Variants in ROBO2 observed in about 807,000 individuals in gnomAD.
ROBO2 encodes the protein roundabout guidance receptor 2, also known as roundabout homolog 2.
Under a neutral mutation model 160.8 loss-of-function variants are expected in ROBO2, and 53 were observed. That is an observed-to-expected ratio of 0.33 (90% CI 0.26 to 0.41). ROBO2 has a LOEUF of 0.41. Among genes scored for constraint, ROBO2 ranks in the 10% least tolerant of loss-of-function variants. The pLI is 1.00. For synonymous variants in ROBO2, 664 were observed against 611.7 expected (o/e 1.09, Z -1.26); for missense variants, 1,577 against 1,722.4 (o/e 0.92, Z 1.49).
intron 2 of ROBO2, among the ~76,000 whole-genome samples, chr3:76,459,399 C>T (rs1183841515): frequency 6.6e-6 from 1 of 152,202 alleles, no homozygotes; most frequent in East Asian, 1.9e-4. Flanking sequence ...ATACATCTAC[C>T]TGCAAATCTA....
chr3:76,389,568 G>A (rs536437037), intron 2 of ROBO2, among the ~76,000 whole-genome samples: 1 of 152,264 alleles, frequency 6.6e-6, no homozygotes, highest in South Asian at 2.1e-4. Flanking sequence ...TTCAGCCTAT[G>A]TGCTCTGTAC....
At chr3:76,119,868 CCT>C in intron 2 of ROBO2, among the ~76,000 whole-genome samples, 2 of 146,698 alleles carry the variant, frequency 1.4e-5, no homozygotes, top group Admixed American at 1.4e-4. Flanking sequence ...CTCTCCCTCC[CCT>C]TCCTTCCCTT....
intron 2 of ROBO2, among the ~76,000 whole-genome samples, chr3:76,820,181 A>T (rs1430929397): frequency 1.3e-5 from 2 of 152,046 alleles, no homozygotes; most frequent in Admixed American, 6.6e-5. Context: ...TTTCAAGTAC[A>T]ATTATATTCT....
chr3:76,973,814 G>C (rs1402756590), intron 2 of ROBO2, among the ~76,000 whole-genome samples: 1 of 152,090 alleles, frequency 6.6e-6, no homozygotes, highest in Non-Finnish European at 1.5e-5. Context: ...ATCCCAAAGG[G>C]CTCACCGTCT....
chr3:76,430,134 AG>A (rs2076379153), intron 2 of ROBO2, among the ~76,000 whole-genome samples: 1 of 152,172 alleles, frequency 6.6e-6, no homozygotes, highest in Non-Finnish European at 1.5e-5. Flanking sequence ...CAGAGTTGCC[AG>A]GTAGGCTTGG....
At chr3:76,212,454 T>C (rs1394866747) in intron 2 of ROBO2, among the ~76,000 whole-genome samples, 2 of 151,998 alleles carry the variant, frequency 1.3e-5, no homozygotes, top group Non-Finnish European at 2.9e-5. Context: ...TAATTTAAAA[T>C]ATATATTTAA....
intron 2 of ROBO2, among the ~76,000 whole-genome samples, chr3:77,358,352 C>T (rs1377538673): frequency 6.6e-6 from 1 of 152,116 alleles, no homozygotes; most frequent in Non-Finnish European, 1.5e-5. Flanking sequence ...CTTTTTATAA[C>T]AACACTGCTT....
chr3:76,780,052 CA>C (rs2062532118), intron 2 of ROBO2, among the ~76,000 whole-genome samples: 3 of 150,938 alleles, frequency 2.0e-5, no homozygotes, highest in African/African-American at 7.3e-5. Context: ...ATATTCTCAT[CA>C]ACACTAATTA....
chr3:76,057,115 G>T (rs1576664581), intron 2 of ROBO2, among the ~76,000 whole-genome samples: 1 of 152,274 alleles, frequency 6.6e-6, no homozygotes, highest in African/African-American at 2.4e-5. Context: ...CTTCCTGTGT[G>T]TGTAATATTT....
intron 2 of ROBO2, among the ~76,000 whole-genome samples, chr3:76,760,930 T>TA (rs1037756162): frequency 8.0e-5 from 12 of 150,400 alleles, no homozygotes; most frequent in Admixed American, 2.0e-4. Context: ...CTTTTTTTTA[T>TA]ACTTTGTGGA....
At chr3:76,705,105 G>C (rs1053831325) in intron 2 of ROBO2, among the ~76,000 whole-genome samples, 8 of 152,026 alleles carry the variant, frequency 5.3e-5, no homozygotes, top group African/African-American at 1.9e-4. Context: ...TGAGATTTTA[G>C]TTACACAAAT....
chr3:77,152,535 T>C (rs1483288034), intron 2 of ROBO2, among the ~76,000 whole-genome samples: 1 of 152,208 alleles, frequency 6.6e-6, no homozygotes, highest in Non-Finnish European at 1.5e-5. Flanking sequence ...ACCTTGATAC[T>C]CAAAGTGCCC....
At chr3:76,934,762 G>A (rs1378942051) in intron 2 of ROBO2, among the ~76,000 whole-genome samples, 2 of 125,874 alleles carry the variant, frequency 1.6e-5, no homozygotes, top group African/African-American at 6.4e-5. Context: ...ACAAAAGCAA[G>A]AAAATCCTTA....
intron 2 of ROBO2, among the ~76,000 whole-genome samples, chr3:76,445,267 C>A (rs970634459): frequency 2.2e-4 from 33 of 152,154 alleles, no homozygotes; most frequent in African/African-American, 7.7e-4. Context: ...TAGAAAAAAA[C>A]TCCAAATTGT....
chr3:76,434,461 A>C, intron 2 of ROBO2: 1 of 1,553,022 alleles, frequency 6.4e-7, no homozygotes, highest in South Asian at 1.1e-5. Context: ...CTTATGTGAA[A>C]GAAATGAATG....
At chr3:76,834,050 C>CTCTGCCTCTCCTTCCTTCTTTCCTTCCT (rs1559574605) in intron 2 of ROBO2, among the ~76,000 whole-genome samples, 5 of 10,242 alleles carry the variant, frequency 4.9e-4, no homozygotes, top group African/African-American at 8.6e-4. Context: ...CTTTCTTTCT[C>CTCTGCCTCTCCTTCCTTCTTTCCTTCCT]TCCTTTCTTT....
chr3:77,551,730 C>T (rs6783792), intron 8 of ROBO2, among the ~76,000 whole-genome samples: 84,381 of 151,162 alleles, frequency 0.56, 23,568 homozygotes, highest in Middle Eastern at 0.68. Context: ...AGGATTTTTA[C>T]TTTTGTTTTC....
intron 2 of ROBO2, among the ~76,000 whole-genome samples, chr3:77,401,015 G>A (rs1430268263): frequency 6.6e-6 from 1 of 151,354 alleles, no homozygotes; most frequent in Admixed American, 6.6e-5. Context: ...AAAACATAGG[G>A]TTGTGTGGCA....
At chr3:77,136,386 T>C (rs2076274328) in intron 2 of ROBO2, among the ~76,000 whole-genome samples, 1 of 151,836 alleles carries the variant, frequency 6.6e-6, no homozygotes. Context: ...AAATTGTTGC[T>C]CCATTTGAGA....
Sources: gnomAD v4.1 joint callset for allele counts (sites outside exome capture counted in the v4.1 genomes callset) on GRCh38, gnomAD v4.1.1 for gene constraint, MANE v1.5 for transcripts, NCBI Gene and HGNC (gene_info 2026-07-23, HGNC 2026-07-21) for gene names.